The following TNNI3K variants were observed in gnomAD, a reference collection of about 807,000 sequenced individuals.
TNNI3K encodes the protein serine/threonine-protein kinase TNNI3K.
A neutral mutation model predicts 114.5 loss-of-function variants in TNNI3K; 140 were observed. That is an observed-to-expected ratio of 1.22 (90% CI 1.07 to 1.41). The LOEUF (loss-of-function observed/expected upper bound fraction) is 1.41, where lower values mean the gene tolerates loss of function less well. Among genes scored for constraint, TNNI3K ranks in the 40% most tolerant of loss-of-function variants. The pLI is 0.00. For missense variants in TNNI3K, 1,125 were observed against 1,007.6 expected, an observed-to-expected ratio of 1.12 and a Z score of -1.58; for synonymous variants, 347 against 347.5, an observed-to-expected ratio of 1.00 and a Z score of 0.02.
intron 17 of TNNI3K, among the ~76,000 whole-genome samples, chr1:74,403,659 C>A (rs1424970225): frequency 6.6e-6 from 1 of 152,104 alleles, no homozygotes; most frequent in African/African-American, 2.4e-5. Context: ...GCTTTGTTTA[C>A]ATAAGCTAAA....
intron 22 of TNNI3K, 39 bp downstream of exon 22, chr1:74,489,287 C>T (rs200428708): frequency 6.3e-7 from 1 of 1,589,556 alleles, no homozygotes; most frequent in Admixed American, 1.8e-5. Flanking sequence ...CATAAAAAAG[C>T]CCTGCATATC....
At chr1:74,248,966 A>G (rs1159276879) in intron 2 of TNNI3K, among the ~76,000 whole-genome samples, 1 of 152,076 alleles carries the variant, frequency 6.6e-6, no homozygotes, top group South Asian at 2.1e-4. Flanking sequence ...GGCAAAGGGG[A>G]AGGTCTTTCT....
At chr1:74,483,428 A>G (rs1668600224) in intron 21 of TNNI3K, 9 of 701,166 alleles carry the variant, frequency 1.3e-5, no homozygotes, top group South Asian at 1.5e-5. Flanking sequence ...TTCACTGTCC[A>G]TTATTTCTGT....
Position 74,369,440 on chromosome 1 carries a change from C to T in TNNI3K, c.1522C>T (p.Arg508Ter), listed in dbSNP as rs41289190. ...CSKSDVDMFCREVSILCQLNH... is the reference protein window; with the variant it reads ...CSKSDVDMFC Reference sequence around the variant, plus strand: ...CAAGTCAGATGTGGATATGTTTTGCCGAGAGGTGTCCATTCTCTGCCAGCT... The same window carrying T: ...CAAGTCAGATGTGGATATGTTTTGCTGAGAGGTGTCCATTCTCTGCCAGCT... Residue 508 changes from arginine to a stop codon, truncating the protein, a stop_gained, in exon 16 of 25, where the codon CGA (arginine) becomes TGA (stop). Transcript: ENST00000326637. LOFTEE classifies it high-confidence loss of function. The T allele has an allele frequency of 2.0e-4, 322 of 1,612,220 alleles. No individual in the cohort carries two copies. The highest frequency in any genetic ancestry group is 2.6e-4 in the Non-Finnish European group (306 of 1,179,048).
chr1:74,245,278 T>C (rs1654485482), intron 2 of TNNI3K, among the ~76,000 whole-genome samples: 1 of 152,246 alleles, frequency 6.6e-6, no homozygotes, highest in Non-Finnish European at 1.5e-5. Context: ...TAAACTCTGG[T>C]AGGGTACTCT....
intron 23 of TNNI3K, among the ~76,000 whole-genome samples, chr1:74,499,036 A>C (rs780990931): frequency 2.6e-5 from 4 of 152,208 alleles, no homozygotes; most frequent in Non-Finnish European, 2.9e-5. Flanking sequence ...GTGAATCTTC[A>C]TTAGAGAAAT....
chr1:74,299,018 A>G (rs1260988219), intron 5 of TNNI3K, among the ~76,000 whole-genome samples: 3 of 152,166 alleles, frequency 2.0e-5, no homozygotes, highest in Non-Finnish European at 4.4e-5. Flanking sequence ...CTGAAACTCT[A>G]TACTACATCA....
intron 4 of TNNI3K, among the ~76,000 whole-genome samples, chr1:74,255,125 C>A (rs1197228912): frequency 6.6e-6 from 1 of 151,928 alleles, no homozygotes; most frequent in Non-Finnish European, 1.5e-5. Flanking sequence ...GAGGCCGAGG[C>A]GGGCGGATCA....
chr1:74,352,846 A>G (rs1037514948), intron 9 of TNNI3K, among the ~76,000 whole-genome samples: 2 of 152,038 alleles, frequency 1.3e-5, no homozygotes, highest in East Asian at 1.9e-4. Flanking sequence ...GAGTGACCCA[A>G]TTTTCCAGGT....
intron 5 of TNNI3K, among the ~76,000 whole-genome samples, chr1:74,308,565 CT>C (rs1658789541): frequency 6.6e-6 from 1 of 152,076 alleles, no homozygotes; most frequent in African/African-American, 2.4e-5. Flanking sequence ...ATAGAAGGAT[CT>C]CAAATTAACA....
At chr1:74,526,479 G>T (rs1277761435) in intron 23 of TNNI3K, among the ~76,000 whole-genome samples, 3 of 152,134 alleles carry the variant, frequency 2.0e-5, no homozygotes, top group Admixed American at 1.3e-4. Flanking sequence ...CTTATAACCT[G>T]TGACTTTGGC....
chr1:74,298,327 A>G (rs1426424706), intron 5 of TNNI3K, among the ~76,000 whole-genome samples: 3 of 152,176 alleles, frequency 2.0e-5, no homozygotes, highest in Non-Finnish European at 4.4e-5. Context: ...GGTAGTGTAA[A>G]TAGTAATGAA....
intron 17 of TNNI3K, among the ~76,000 whole-genome samples, chr1:74,420,988 C>T (rs1412003371): frequency 1.3e-5 from 2 of 152,082 alleles, no homozygotes; most frequent in Non-Finnish European, 2.9e-5. Flanking sequence ...TGAACTTCAG[C>T]AGCATGATAT....
chr1:74,475,003 AC>A (rs559936586), intron 21 of TNNI3K, among the ~76,000 whole-genome samples: 1 of 304 alleles, frequency 3.3e-3, no homozygotes, highest in East Asian at 0.12. Context: ...TTAAAAGGCT[AC>A]TTTTTTTCTT....
intron 23 of TNNI3K, among the ~76,000 whole-genome samples, chr1:74,517,263 C>G (rs1447230488): frequency 6.6e-6 from 1 of 152,172 alleles, no homozygotes; most frequent in Non-Finnish European, 1.5e-5. Context: ...TTATTATATT[C>G]TGTCAGGTCA....
intron 17 of TNNI3K, among the ~76,000 whole-genome samples, chr1:74,399,156 TAAA>T (rs1234711047): frequency 1.7e-4 from 13 of 76,796 alleles, no homozygotes; most frequent in African/African-American, 4.8e-4. Context: ...CAAAACCCAT[TAAA>T]AAAAAAAAAA....
chr1:74,272,456 T>C (rs1330282033), intron 5 of TNNI3K, among the ~76,000 whole-genome samples: 1 of 151,768 alleles, frequency 6.6e-6, no homozygotes, highest in Non-Finnish European at 1.5e-5. Flanking sequence ...TTTAAATATA[T>C]TGAGAATGTC....
At chr1:74,320,904 GA>G (rs1426381176) in intron 5 of TNNI3K, among the ~76,000 whole-genome samples, 2 of 152,078 alleles carry the variant, frequency 1.3e-5, no homozygotes, top group Non-Finnish European at 2.9e-5. Context: ...GGAAAGTCAT[GA>G]AAAAAACTGT....
At position 74,289,061 on chromosome 1, in the gene TNNI3K, C is replaced by A. The variant is rs1392376371; in HGVS notation, c.444+17353C>A. Among the ~76,000 whole-genome samples, 6 of 2,840 alleles carry A rather than the reference C, an allele frequency of 2.1e-3. No individual in the cohort carries two copies. In the Non-Finnish European group the frequency reaches 0.023, roughly 11 times the overall value. 1.9% of individuals were successfully genotyped at this position (2,840 alleles called of 152,430 possible). A position where few individuals can be genotyped will look rare whatever the true frequency, so the allele number is the denominator to read the frequency against. On this transcript the variant is annotated intron_variant, in intron 5 of 24. Coordinates refer to ENST00000326637, the MANE Select transcript of TNNI3K (RefSeq NM_015978.3). ...TCATCTTCCACATAGTGTGGTTAAACAGAAAAAAAATAAATATTAAAAAAA... is the reference window on the plus strand; with the variant it reads ...TCATCTTCCACATAGTGTGGTTAAAAAGAAAAAAAATAAATATTAAAAAAA...
Sources: gnomAD v4.1 joint callset for allele counts (sites outside exome capture counted in the v4.1 genomes callset) on GRCh38, gnomAD v4.1.1 for gene constraint, MANE v1.5 for transcripts, NCBI Gene and HGNC (gene_info 2026-07-23, HGNC 2026-07-21) for gene names.